MYO18A: variants seen among roughly 807,000 people sequenced by gnomAD.
The protein encoded by MYO18A is unconventional myosin-XVIIIa.
MYO18A carries 78 observed loss-of-function variants against 235.8 expected under a neutral mutation model. The observed-to-expected ratio is 0.33, with a 90% CI of 0.28 to 0.40. The LOEUF is 0.40. Among genes scored for constraint, MYO18A ranks in the 10% least tolerant of loss-of-function variants. The pLI, the probability that MYO18A is intolerant of heterozygous loss-of-function variation, is 1.00. For missense variants in MYO18A, 2,215 were observed against 2,699.3 expected (o/e 0.82, Z 3.98); for synonymous variants, 977 against 1,077.8 (o/e 0.91, Z 1.83).
At chr17:29,093,487 C>A in intron 31 of MYO18A, 60 bp from the exon 32 acceptor site, 6 of 1,306,180 alleles carry the variant, frequency 4.6e-6, no homozygotes, top group Non-Finnish European at 6.5e-6. Context: ...CGAAGCAGGC[C>A]CCTTCCATTC....
chr17:29,093,182 C>T, intron 32 of MYO18A, 141 bp downstream of exon 32: 3 of 1,080,114 alleles, frequency 2.8e-6, no homozygotes, highest in Non-Finnish European at 4.0e-6. Context: ...TGCCCCCATC[C>T]CACAAGGGAT....
intron 2 of MYO18A, 34 bp downstream of exon 2, chr17:29,165,908 C>A: frequency 6.3e-7 from 1 of 1,584,574 alleles, no homozygotes; most frequent in Non-Finnish European, 8.6e-7. Context: ...ATTCCCCATC[C>A]CTGCTTAGCC....
rs943805110 is a variant in MYO18A at position 29,118,779 on chromosome 17, T to A, written c.1830-339A>T. Among the ~76,000 whole-genome samples the A allele has an allele frequency of 6.6e-6, 1 of 152,260 alleles. No individual in the cohort carries two copies. Among genetic ancestry groups the A allele is most frequent in the Non-Finnish European group, 1.5e-5 (1 of 68,036 alleles). ...AGAAGGGCTAAAGAGGACAATGGCC[T>A]GGGGATGCTGGCTCAGCCTCATCAT... On this transcript the variant is annotated intron_variant, in intron 8 of 41. Coordinates refer to ENST00000527372, the MANE Select transcript of MYO18A (RefSeq NM_078471.4). The surrounding 1 kb of genome is among the most constrained non-coding windows in gnomAD (Gnocchi z 4.2).
chr17:29,102,725 G>A (rs2066684957), intron 21 of MYO18A, among the ~76,000 whole-genome samples: 1 of 152,188 alleles, frequency 6.6e-6, no homozygotes, highest in South Asian at 2.1e-4. Flanking sequence ...AGAGACGAAG[G>A]GCAGGAGGAG....
Position 29,071,486 on chromosome 17 carries a change from T to C in MYO18A, c.*3284A>G, listed in dbSNP as rs1043808381. ...TGGAGAAGCACTGGTCATGTGACAA[T>C]GCACAGCCAGCCTGTGGCATGTTCT... is the stretch of plus-strand genomic sequence containing the variant. On this transcript the variant is annotated 3_prime_UTR_variant, in exon 42 of 42. Coordinates refer to ENST00000527372, the MANE Select transcript of MYO18A (RefSeq NM_078471.4). 1 of 152,374 alleles carries C rather than the reference T, an allele frequency of 6.6e-6. No individual in the cohort carries two copies. The highest frequency in any genetic ancestry group is 2.1e-4 in the South Asian group (1 of 4,822). The allele number at this position is 152,374 out of a possible 1,614,324, so 9.4% of individuals were successfully genotyped here. A position where few individuals can be genotyped will look rare whatever the true frequency, so the allele number is the denominator to read the frequency against.
chr17:29,102,764 G>A (rs555709899), intron 21 of MYO18A, among the ~76,000 whole-genome samples: 1 of 152,188 alleles, frequency 6.6e-6, no homozygotes, highest in East Asian at 1.9e-4. Context: ...ATGCAGGGCC[G>A]AGAGGACCAA....
intron 14 of MYO18A, 78 bp from the exon 15 acceptor site, chr17:29,114,175 G>T (rs927013651): frequency 3.1e-4 from 358 of 1,149,922 alleles, no homozygotes; most frequent in Non-Finnish European, 4.2e-4. Flanking sequence ...CTGGGAAGGG[G>T]CTCTGAGATC....
chr17:29,082,521 T>C, intron 40 of MYO18A, 83 bp from the exon 41 acceptor site: 5 of 1,467,710 alleles, frequency 3.4e-6, no homozygotes, highest in Non-Finnish European at 4.6e-6. Flanking sequence ...GCAGGGGGTG[T>C]CTTGGGCAGG....
At position 29,106,687 on chromosome 17, in the gene MYO18A, A is replaced by C. The variant is rs1473805960; in HGVS notation, c.3441+393T>G. ...GCACCACGGAGGTCTCACCATATCC[A>C]CCTTCCTTCTAGGAGGAATGTTCGC... is the stretch of plus-strand genomic sequence containing the variant. On this transcript the variant is annotated intron_variant, in intron 20 of 41. Transcript: ENST00000527372. This position sits in a 1 kb window ranked among gnomAD's most constrained non-coding sequence, Gnocchi z 4.6. 2.0e-5 allele frequency among the ~76,000 whole-genome samples: 3 copies of C among 152,162 alleles called. No homozygotes were observed.
chr17:29,150,924 C>CT (rs1215868752), intron 2 of MYO18A, among the ~76,000 whole-genome samples: 2 of 152,294 alleles, frequency 1.3e-5, no homozygotes, highest in East Asian at 3.9e-4. Flanking sequence ...CTAGTTTTGG[C>CT]TGCAGGAATT....
At chr17:29,103,145 C>T (rs2066697045) in intron 21 of MYO18A, among the ~76,000 whole-genome samples, 1 of 152,260 alleles carries the variant, frequency 6.6e-6, no homozygotes, top group Admixed American at 6.5e-5. Context: ...GGTGGTGGCA[C>T]AGCCTCACCA....
At chr17:29,123,244 GCTCCT>G (rs2067242998) in intron 2 of MYO18A, among the ~76,000 whole-genome samples, 2 of 152,190 alleles carry the variant, frequency 1.3e-5, no homozygotes, top group Admixed American at 1.3e-4. Flanking sequence ...GGCCCATCGG[GCTCCT>G]CTTGTTGTGT....
chr17:29,127,679 T>C (rs116628648), intron 2 of MYO18A, among the ~76,000 whole-genome samples: 3,152 of 152,254 alleles, frequency 0.021, 101 homozygotes, highest in African/African-American at 0.071. Context: ...AGGGTCCGCA[T>C]TGGGTTAGGG....
chr17:29,087,727 G>A (rs893340790), intron 37 of MYO18A, among the ~76,000 whole-genome samples: 1 of 152,136 alleles, frequency 6.6e-6, no homozygotes, highest in Non-Finnish European at 1.5e-5. Flanking sequence ...GTTCTACCTC[G>A]GACTGGTCCC....
Position 29,165,976 on chromosome 17 carries a change from C to T in MYO18A, c.965G>A (p.Arg322Gln), listed in dbSNP as rs750215984. Residue 322 changes from arginine (R) to glutamine (Q), a missense_variant, in exon 2 of 42, where the codon CGG becomes CAG. By Grantham distance (43) the Arg-to-Gln change is conservative. Transcript: ENST00000527372. Reference protein sequence around the residue: ...ELSELSRSWLRSGEGPRREPS... With the variant: ...ELSELSRSWLQSGEGPRREPS... The stretch of plus-strand genomic sequence containing the variant: ...CTCCCTGCGAGGTCCCTCGCCGCTC[C>T]GCAGCCAGCTCCTGCTGAGCTCGCT... The T allele has an allele frequency of 5.0e-6, 8 of 1,613,314 alleles. No individual in the cohort carries two copies. Among genetic ancestry groups the T allele is most frequent in the South Asian group, 4.4e-5 (4 of 91,084 alleles).
At chr17:29,131,322 TGCACACACACATGCCC>T in intron 2 of MYO18A, 3 of 901,038 alleles carry the variant, frequency 3.3e-6, no homozygotes, top group Non-Finnish European at 4.0e-6. Flanking sequence ...CATGCACGCA[TGCACACACACATGCCC>T]GCACACACAC....
At position 29,121,220 on chromosome 17, in the gene MYO18A, G is replaced by A. The variant is rs1161875019; in HGVS notation, c.1372-9C>T. The A allele has an allele frequency of 1.9e-6, 3 of 1,591,450 alleles. No homozygotes were observed. Among genetic ancestry groups the A allele is most frequent in the Non-Finnish European group, 1.7e-6 (2 of 1,168,744 alleles). ...TTGAACATGTGCATCACCTTGGGCA[G>A]GAGAGCAAGGGAGAGAAGGGGTTGG... On this transcript the variant is annotated splice_polypyrimidine_tract_variant and intron_variant, in intron 5 of 41. Coordinates refer to ENST00000527372, the MANE Select transcript of MYO18A (RefSeq NM_078471.4). This position sits in a 1 kb window ranked among gnomAD's most constrained non-coding sequence, Gnocchi z 4.2.
chr17:29,105,165 C>T (rs1300894749), intron 20 of MYO18A, among the ~76,000 whole-genome samples: 3 of 119,324 alleles, frequency 2.5e-5, no homozygotes, highest in Non-Finnish European at 4.9e-5. Context: ...GAACGAGACT[C>T]TGTCTCAAAA....
intron 2 of MYO18A, among the ~76,000 whole-genome samples, chr17:29,130,439 AAT>A (rs1198983941): frequency 6.6e-5 from 10 of 151,892 alleles, no homozygotes; most frequent in Admixed American, 6.6e-4. Context: ...AAAAAAATAA[AAT>A]AAAATAAATT....
Sources: allele counts gnomAD v4.1 joint callset (sites outside exome capture counted in the v4.1 genomes callset), GRCh38; gene constraint gnomAD v4.1.1; non-coding constraint Gnocchi (gnomAD v3.1); transcripts MANE v1.5; gene names NCBI Gene and HGNC (gene_info 2026-07-23, HGNC 2026-07-21).